The following GLT8D2 variants were observed in gnomAD, a reference collection of about 807,000 sequenced individuals.
The protein encoded by GLT8D2 is glycosyltransferase 8 domain-containing protein 2.
GLT8D2 carries 45 observed loss-of-function variants against 44.5 expected under a neutral mutation model. The observed-to-expected ratio is 1.01, with a 90% confidence interval of 0.80 to 1.30. GLT8D2 has a LOEUF of 1.30. Ranked by LOEUF, GLT8D2 falls within the 50% of genes most tolerant of loss-of-function variation. The pLI is 0.00. For missense variants in GLT8D2, 400 were observed against 430.4 expected (o/e 0.93, Z 0.62); for synonymous variants, 156 against 157.2 (o/e 0.99, Z 0.06).
At chr12:104,021,687 G>T (rs1184310748) in intron 1 of GLT8D2, among the ~76,000 whole-genome samples, 196 bp from the exon 2 acceptor site, 3 of 151,608 alleles carry the variant, frequency 2.0e-5, no homozygotes, top group Non-Finnish European at 4.4e-5. Flanking sequence ...TACTCGGGAG[G>T]TTGAGGAAGG....
At position 103,993,460 on chromosome 12, in the gene GLT8D2, G is replaced by A. The variant is rs761602980; in HGVS notation, c.812C>T (p.Ser271Phe). 1.2e-6 allele frequency: 2 copies of A among 1,613,090 alleles called. No homozygotes were observed. The highest frequency in any genetic ancestry group is 1.1e-5 in the South Asian group (1 of 90,930). The change falls in exon 10 of 11, where the codon TCC becomes TTC. Residue 271 changes from serine (S) to phenylalanine (F), a missense_variant. Transcript: ENST00000360814. Reference protein sequence around the residue: ...SSSLGGGVATSPMLIVFHGKY... With the variant: ...SSSLGGGVATFPMLIVFHGKY... The stretch of plus-strand genomic sequence containing the variant: ...CCCATGAAACACAATCAGCATTGGG[G>A]AGGTGGCCACCCCTCCTCCCAGGGA...
intron 4 of GLT8D2, chr12:104,014,260 C>T: frequency 1.4e-6 from 1 of 699,868 alleles, no homozygotes; most frequent in East Asian, 2.7e-5. Context: ...GGTGCTGAGG[C>T]CGGAGGATTG....
At chr12:103,995,758 T>C (rs1358726454) in intron 8 of GLT8D2, among the ~76,000 whole-genome samples, 2 of 152,258 alleles carry the variant, frequency 1.3e-5, no homozygotes, top group Non-Finnish European at 2.9e-5. Flanking sequence ...TTCACCCATA[T>C]AGACTGTTAT....
chr12:104,016,882 G>GA (rs1555279032), intron 3 of GLT8D2, among the ~76,000 whole-genome samples: 1 of 140,244 alleles, frequency 7.1e-6, no homozygotes, highest in South Asian at 2.2e-4. Context: ...AAGAAAGAAA[G>GA]AAAAATAAAG....
upstream of GLT8D2, among the ~76,000 whole-genome samples, chr12:104,052,630 C>CT (rs1881817038): frequency 6.6e-6 from 1 of 152,158 alleles, no homozygotes; most frequent in African/African-American, 2.4e-5. Flanking sequence ...ATTGACTGCC[C>CT]TGTGTTCCCT....
At chr12:104,003,064 G>T (rs1593533837) in intron 5 of GLT8D2, 71 bp downstream of exon 5, 53 of 1,075,250 alleles carry the variant, frequency 4.9e-5, no homozygotes, top group Non-Finnish European at 6.3e-5. Flanking sequence ...AAGAGGTAGG[G>T]AGGGAGGGAG....
upstream of GLT8D2, chr12:104,050,416 T>A (rs1881601053): frequency 6.6e-6 from 1 of 152,252 alleles, no homozygotes; most frequent in African/African-American, 2.4e-5. Flanking sequence ...ATTTTGAGAA[T>A]CTTCATGGCC....
intron 8 of GLT8D2, among the ~76,000 whole-genome samples, chr12:103,995,699 A>G (rs1873323990): frequency 6.6e-6 from 1 of 152,240 alleles, no homozygotes; most frequent in African/African-American, 2.4e-5. Flanking sequence ...TAAGCACTCA[A>G]TAAGTCATTG....
At chr12:104,005,250 G>T (rs542668622) in intron 4 of GLT8D2, among the ~76,000 whole-genome samples, 501 of 152,198 alleles carry the variant, frequency 3.3e-3, no homozygotes, top group African/African-American at 0.011. Flanking sequence ...ATTAAAGACT[G>T]AAATGTTAGA....
intron 1 of GLT8D2, among the ~76,000 whole-genome samples, chr12:104,025,992 A>C (rs1017622143): frequency 4.6e-5 from 7 of 152,164 alleles, no homozygotes; most frequent in African/African-American, 1.7e-4. Context: ...AAGATTCAAT[A>C]ATGTGGCCAG....
chr12:104,000,034 C>G (rs1873993613), intron 5 of GLT8D2, among the ~76,000 whole-genome samples: 1 of 152,070 alleles, frequency 6.6e-6, no homozygotes, highest in Non-Finnish European at 1.5e-5. Flanking sequence ...TTCTCTTCCC[C>G]CTCCCTCTCC....
intron 9 of GLT8D2, 90 bp downstream of exon 9, chr12:103,994,245 A>G: frequency 7.8e-7 from 1 of 1,276,954 alleles, no homozygotes; most frequent in East Asian, 2.5e-5. Flanking sequence ...TGACTGTGAA[A>G]TATTTCTAAC....
At chr12:104,004,926 C>T (rs1874771651) in intron 4 of GLT8D2, among the ~76,000 whole-genome samples, 1 of 152,182 alleles carries the variant, frequency 6.6e-6, no homozygotes, top group African/African-American at 2.4e-5. Flanking sequence ...ATCGCCAAGT[C>T]AATCCTAAGC....
At chr12:104,040,157 G>A (rs1880374927) in intron 1 of GLT8D2, among the ~76,000 whole-genome samples, 1 of 152,180 alleles carries the variant, frequency 6.6e-6, no homozygotes, top group Admixed American at 6.5e-5. Flanking sequence ...TGGGGTGGGA[G>A]CAGGGGGAGG....
intron 1 of GLT8D2, among the ~76,000 whole-genome samples, chr12:104,061,961 G>T (rs1360968696): frequency 1.6e-5 from 2 of 124,944 alleles, no homozygotes; most frequent in African/African-American, 6.0e-5. Flanking sequence ...TGGGCAACAA[G>T]AGCAAAACTC....
At chr12:104,040,254 C>T (rs939749099) in intron 1 of GLT8D2, among the ~76,000 whole-genome samples, 1 of 152,050 alleles carries the variant, frequency 6.6e-6, no homozygotes, top group African/African-American at 2.4e-5. Flanking sequence ...ATGTAACAAA[C>T]CTGCACGTTG....
intron 1 of GLT8D2, among the ~76,000 whole-genome samples, chr12:104,033,023 G>T (rs898128384): frequency 6.6e-6 from 1 of 152,054 alleles, no homozygotes; most frequent in Non-Finnish European, 1.5e-5. Flanking sequence ...AGAAATACAG[G>T]TGCACATCAC....
chr12:104,061,515 C>T (rs982115883), intron 1 of GLT8D2, among the ~76,000 whole-genome samples: 1 of 152,198 alleles, frequency 6.6e-6, no homozygotes, highest in Admixed American at 6.5e-5. Flanking sequence ...TCCAACTCTT[C>T]CAGTTTTATT....
At chr12:104,061,960 A>G (rs943409032) in intron 1 of GLT8D2, among the ~76,000 whole-genome samples, 2 of 146,032 alleles carry the variant, frequency 1.4e-5, no homozygotes, top group Non-Finnish European at 3.0e-5. Flanking sequence ...CTGGGCAACA[A>G]GAGCAAAACT....
Sources: allele counts gnomAD v4.1 joint callset (sites outside exome capture counted in the v4.1 genomes callset), GRCh38; gene constraint gnomAD v4.1.1; transcripts MANE v1.5; gene names NCBI Gene and HGNC (gene_info 2026-07-23, HGNC 2026-07-21).